The following CSMD3 variants were observed in gnomAD, a reference collection of about 807,000 sequenced individuals.
The protein encoded by CSMD3 is CUB and sushi domain-containing protein 3.
A neutral mutation model predicts 435.2 loss-of-function variants in CSMD3; 177 were observed. The ratio of observed to expected loss-of-function variants is 0.41; its 90% CI spans 0.36 to 0.46. CSMD3 has a LOEUF of 0.46. Ranked by LOEUF, CSMD3 falls within the 20% of genes least tolerant of loss-of-function variation. CSMD3 has a pLI of 0.34. For synonymous variants in CSMD3, 1,656 were observed against 1,520.5 expected (o/e 1.09, Z -2.07); for missense variants, 4,265 against 4,504.6 (o/e 0.95, Z 1.52).
Position 112,503,813 on chromosome 8 carries a change from G to A in CSMD3, c.5060C>T (p.Thr1687Ile), listed in dbSNP as rs1179943657. The A allele has an allele frequency of 2.5e-6, 4 of 1,611,050 alleles. No homozygotes were observed. The highest frequency in any genetic ancestry group is 3.4e-6 in the Non-Finnish European group (4 of 1,177,772). The change falls in exon 30 of 71, where the codon ACT (threonine) becomes ATT (isoleucine). Residue 1687 changes from threonine to isoleucine, a missense_variant. By Grantham distance (89) the Thr-to-Ile change is moderately conservative. Coordinates refer to ENST00000297405, the MANE Select transcript of CSMD3 (RefSeq NM_198123.2). Reference protein sequence around the residue: ...AFRSDGSVSYTGFHLEYKAKL... With the variant: ...AFRSDGSVSYIGFHLEYKAKL... ...ACCTTTGTATTCTAGATGAAATCCA[G>A]TGTAACTAACAGATCCATCACTCCG...
At chr8:112,267,473 A>G (rs1157184096) in intron 59 of CSMD3, among the ~76,000 whole-genome samples, 2 of 152,092 alleles carry the variant, frequency 1.3e-5, no homozygotes, top group East Asian at 1.9e-4. Context: ...ATCTCTTTTT[A>G]TAGTTTAAAA....
At chr8:113,063,949 G>A (rs899220798) in intron 5 of CSMD3, among the ~76,000 whole-genome samples, 2 of 151,290 alleles carry the variant, frequency 1.3e-5, no homozygotes, top group South Asian at 2.1e-4. Context: ...TATATTAAAA[G>A]GACTATAATA....
At chr8:112,392,423 G>A (rs1280347927) in intron 35 of CSMD3, among the ~76,000 whole-genome samples, 1 of 151,538 alleles carries the variant, frequency 6.6e-6, no homozygotes, top group East Asian at 1.9e-4. Flanking sequence ...CTGTAAATGG[G>A]TTATATACAA....
At chr8:112,410,255 A>G (rs1261104868) in intron 32 of CSMD3, among the ~76,000 whole-genome samples, 1 of 148,336 alleles carries the variant, frequency 6.7e-6, no homozygotes, top group Admixed American at 6.9e-5. Flanking sequence ...GAAAATATTA[A>G]CAGATACAGC....
At chr8:112,281,382 A>C (rs762935778) in intron 58 of CSMD3, 32 bp from the exon 59 acceptor site, 26 of 1,570,074 alleles carry the variant, frequency 1.7e-5, no homozygotes, top group Middle Eastern at 1.7e-4. Flanking sequence ...AGTATATATA[A>C]AAAATGCAAT....
chr8:112,742,950 C>T (rs1463060106), intron 13 of CSMD3, among the ~76,000 whole-genome samples: 1 of 151,932 alleles, frequency 6.6e-6, no homozygotes, highest in Non-Finnish European at 1.5e-5. Context: ...TGGTTTAGTG[C>T]TTTTCTGCTG....
At chr8:112,797,721 G>A (rs1000327395) in intron 13 of CSMD3, among the ~76,000 whole-genome samples, 3 of 151,754 alleles carry the variant, frequency 2.0e-5, no homozygotes, top group Non-Finnish European at 3.0e-5. Context: ...TTTAGTAGGT[G>A]AACTTGCTAA....
intron 28 of CSMD3, among the ~76,000 whole-genome samples, chr8:112,515,166 C>T (rs1823541900): frequency 6.6e-6 from 1 of 151,872 alleles, no homozygotes; most frequent in African/African-American, 2.4e-5. Flanking sequence ...TTAGTGTTAT[C>T]TAGAATTTTT....
At position 112,410,181 on chromosome 8, in the gene CSMD3, G is replaced by A. The variant is rs1352562439; in HGVS notation, c.5396-1149C>T. On this transcript the variant is annotated intron_variant, in intron 32 of 70. Coordinates refer to ENST00000297405, the MANE Select transcript of CSMD3 (RefSeq NM_198123.2). ...AATATGGCAAACAAAGCTATATGTA[G>A]TTTTTAGGCCTGTAAAAATAAGCTG... 4.0e-5 allele frequency among the ~76,000 whole-genome samples: 6 copies of A among 151,860 alleles called. No homozygotes were observed. In the East Asian group the frequency reaches 1.2e-3, roughly 29 times the overall value.
At position 112,536,825 on chromosome 8, in the gene CSMD3, A is replaced by G. The variant is rs970164166; in HGVS notation, c.4564+13846T>C. Among the ~76,000 whole-genome samples the G allele has an allele frequency of 3.3e-5, 5 of 151,940 alleles. 1 individual carries two copies. Among genetic ancestry groups the G allele is most frequent in the Admixed American group, 6.6e-5 (1 of 15,226 alleles). The stretch of plus-strand genomic sequence containing the variant: ...AAAATGTGGCACATATACACCATGG[A>G]ATACTATGCAGCCATAAAAAATGAT... On this transcript the variant is annotated intron_variant, in intron 27 of 70. Transcript: ENST00000297405.
chr8:112,439,172 G>C (rs190012327), intron 32 of CSMD3, among the ~76,000 whole-genome samples: 2 of 152,014 alleles, frequency 1.3e-5, no homozygotes, highest in African/African-American at 2.4e-5. Flanking sequence ...ATGGAGTCTC[G>C]CTCTGTTGCC....
At chr8:112,227,114 T>C (rs964502174) in intron 70 of CSMD3, among the ~76,000 whole-genome samples, 1 of 152,120 alleles carries the variant, frequency 6.6e-6, no homozygotes, top group Non-Finnish European at 1.5e-5. Context: ...AAACAAAAAC[T>C]TATACACAAA....
intron 3 of CSMD3, among the ~76,000 whole-genome samples, chr8:113,275,861 A>T (rs918329262): frequency 2.6e-5 from 4 of 151,990 alleles, no homozygotes; most frequent in African/African-American, 7.2e-5. Flanking sequence ...AATTAAATTT[A>T]AAAATACAGG....
chr8:112,828,360 G>C (rs2079760576), intron 12 of CSMD3, among the ~76,000 whole-genome samples: 1 of 152,166 alleles, frequency 6.6e-6, no homozygotes. Context: ...AGTGGGAGGT[G>C]AATGCATCAC....
chr8:113,335,821 T>G (rs1407586631), intron 1 of CSMD3, among the ~76,000 whole-genome samples: 7 of 152,050 alleles, frequency 4.6e-5, no homozygotes, highest in Non-Finnish European at 8.8e-5. Context: ...CCTTTTCACC[T>G]ATAAGCGTGG....
At chr8:113,388,498 T>A (rs1283446477) in intron 1 of CSMD3, among the ~76,000 whole-genome samples, 2 of 151,788 alleles carry the variant, frequency 1.3e-5, no homozygotes, top group Admixed American at 6.6e-5. Context: ...AGTACCTTTT[T>A]TAGCCATTTG....
intron 13 of CSMD3, among the ~76,000 whole-genome samples, chr8:112,750,459 T>C (rs111513348): frequency 0.019 from 2,907 of 151,918 alleles, 54 homozygotes; most frequent in Middle Eastern, 0.048. Flanking sequence ...ATAAGAAACA[T>C]AACAACTTGA....
chr8:112,592,675 A>G (rs149403525), intron 22 of CSMD3, among the ~76,000 whole-genome samples: 58 of 152,198 alleles, frequency 3.8e-4, no homozygotes, highest in Middle Eastern at 3.4e-3. Context: ...AATATTGACT[A>G]TTTCCCATAA....
At chr8:112,227,945 A>G (rs907138539) in intron 70 of CSMD3, among the ~76,000 whole-genome samples, 8 of 152,034 alleles carry the variant, frequency 5.3e-5, no homozygotes, top group Admixed American at 2.0e-4. Context: ...GGGAGGCTGA[A>G]GCAGGAGAGT....
Sources: gnomAD v4.1 joint callset for allele counts (sites outside exome capture counted in the v4.1 genomes callset) on GRCh38, gnomAD v4.1.1 for gene constraint, MANE v1.5 for transcripts, NCBI Gene and HGNC (gene_info 2026-07-23, HGNC 2026-07-21) for gene names.